The following TENM4 variants were observed in gnomAD, a reference collection of about 807,000 sequenced individuals.
The protein encoded by TENM4 is teneurin transmembrane protein 4, also known as teneurin-4.
In TENM4, 82 loss-of-function variants were observed where a neutral mutation model predicts 243.3. That is an observed-to-expected ratio of 0.34 (90% CI 0.28 to 0.40). The LOEUF (loss-of-function observed/expected upper bound fraction) is 0.40, where lower values mean the gene tolerates loss of function less well. Ranked by LOEUF, TENM4 falls within the 10% of genes least tolerant of loss-of-function variation. The pLI is 1.00. For synonymous variants in TENM4, 1,412 were observed against 1,456.3 expected, an observed-to-expected ratio of 0.97 and a Z score of 0.69; for missense variants, 3,138 against 3,673.3, an observed-to-expected ratio of 0.85 and a Z score of 3.77.
intron 25 of TENM4, among the ~76,000 whole-genome samples, chr11:78,719,408 T>C (rs1859594886): frequency 7.0e-6 from 1 of 142,938 alleles, no homozygotes; most frequent in Non-Finnish European, 1.5e-5. Flanking sequence ...CTTATAAATA[T>C]ATTATCTTAA....
At chr11:79,196,077 G>C (rs1239180205) in intron 3 of TENM4, among the ~76,000 whole-genome samples, 1 of 152,046 alleles carries the variant, frequency 6.6e-6, no homozygotes, top group Non-Finnish European at 1.5e-5. Context: ...TCTTGCTGCC[G>C]CCATGTTAGA....
intron 26 of TENM4, among the ~76,000 whole-genome samples, chr11:78,710,825 C>T (rs192322731): frequency 4.6e-5 from 7 of 152,274 alleles, no homozygotes; most frequent in Admixed American, 4.6e-4. Flanking sequence ...AATGCACTGC[C>T]GCTTCATCTG....
chr11:79,364,989 C>T (rs1366236121), intron 1 of TENM4, among the ~76,000 whole-genome samples: 2 of 152,156 alleles, frequency 1.3e-5, no homozygotes, highest in Non-Finnish European at 2.9e-5. Context: ...TGTTGGGAGA[C>T]ATGTTTCAAA....
chr11:78,963,608 T>A (rs1314634255), intron 6 of TENM4, among the ~76,000 whole-genome samples: 1 of 151,358 alleles, frequency 6.6e-6, no homozygotes, highest in African/African-American at 2.4e-5. Flanking sequence ...AAGGGGGAGG[T>A]GGCACAGAGA....
Position 78,683,281 on chromosome 11 carries a change from C to T in TENM4, c.5260+4773G>A, listed in dbSNP as rs1157129633. ...GTGGAGCCTACAGAGGCAGGCAGGC[C>T]TCCTTGAGCTGTGGTGGGCTCCACC... On this transcript the variant is annotated intron_variant, in intron 29 of 33. Coordinates refer to ENST00000278550, the MANE Select transcript of TENM4 (RefSeq NM_001098816.3). 5.9e-5 allele frequency among the ~76,000 whole-genome samples: 4 copies of T among 67,632 alleles called. 2 individuals carry two copies. The highest frequency in any genetic ancestry group is 4.3e-4 in the East Asian group (2 of 4,612). 44.4% of individuals were successfully genotyped at this position (67,632 alleles called of 152,430 possible). A position where few individuals can be genotyped will look rare whatever the true frequency, so the allele number is the denominator to read the frequency against.
intron 1 of TENM4, among the ~76,000 whole-genome samples, chr11:79,406,032 C>T (rs1254696974): frequency 6.6e-6 from 1 of 152,022 alleles, no homozygotes; most frequent in Non-Finnish European, 1.5e-5. Context: ...AGTGGGGGCT[C>T]ACTTTGATGG....
chr11:78,670,758 T>C (rs1045487787), intron 31 of TENM4, among the ~76,000 whole-genome samples: 8 of 152,192 alleles, frequency 5.3e-5, no homozygotes, highest in Admixed American at 2.0e-4. Flanking sequence ...AAGATGAGGC[T>C]TTCTCTCAGC....
intron 6 of TENM4, among the ~76,000 whole-genome samples, chr11:79,001,899 G>T (rs926106986): frequency 6.6e-6 from 1 of 152,110 alleles, no homozygotes; most frequent in Admixed American, 6.5e-5. Context: ...CTGCCAATGT[G>T]CACCAACTCA....
At chr11:79,075,359 T>C (rs1186142964) in intron 4 of TENM4, among the ~76,000 whole-genome samples, 2 of 152,196 alleles carry the variant, frequency 1.3e-5, no homozygotes, top group Non-Finnish European at 2.9e-5. Flanking sequence ...AGCTCCAGGC[T>C]AGGAGTAAGG....
At chr11:78,987,927 G>C (rs1380717595) in intron 6 of TENM4, among the ~76,000 whole-genome samples, 1 of 152,160 alleles carries the variant, frequency 6.6e-6, no homozygotes, top group African/African-American at 2.4e-5. Context: ...GGCTGGCTCT[G>C]TCTAGGCTGG....
intron 8 of TENM4, 108 bp downstream of exon 8, chr11:78,891,130 T>C (rs963621787): frequency 3.0e-6 from 3 of 987,604 alleles, no homozygotes; most frequent in Admixed American, 2.1e-5. Flanking sequence ...GCATGCCACA[T>C]GGATCACCTC....
chr11:79,173,630 G>A (rs1479042691), intron 3 of TENM4, among the ~76,000 whole-genome samples: 1 of 152,138 alleles, frequency 6.6e-6, no homozygotes, highest in Non-Finnish European at 1.5e-5. Context: ...TAGGACTTAG[G>A]TAGAGAAGGG....
intron 1 of TENM4, among the ~76,000 whole-genome samples, chr11:79,338,112 T>A (rs1412100567): frequency 6.6e-6 from 1 of 152,230 alleles, no homozygotes; most frequent in African/African-American, 2.4e-5. Flanking sequence ...GCTTGGTGAC[T>A]GCTGCACCCC....
chr11:78,937,442 C>T (rs553640805), intron 6 of TENM4, among the ~76,000 whole-genome samples: 1 of 152,292 alleles, frequency 6.6e-6, no homozygotes, highest in East Asian at 1.9e-4. Context: ...TCACAGTGCA[C>T]ATTAGCTAAC....
At chr11:78,765,407 A>C (rs1167659709) in intron 18 of TENM4, among the ~76,000 whole-genome samples, 1 of 152,190 alleles carries the variant, frequency 6.6e-6, no homozygotes, top group Non-Finnish European at 1.5e-5. Context: ...CCCTTCCAGC[A>C]ATAAGAGATG....
At chr11:78,839,958 T>C (rs1459701530) in intron 12 of TENM4, among the ~76,000 whole-genome samples, 5 of 152,170 alleles carry the variant, frequency 3.3e-5, no homozygotes, top group Admixed American at 3.3e-4. Context: ...CTGCCTGCCT[T>C]CAACACAACT....
chr11:78,816,823 G>A (rs1246445644), intron 12 of TENM4, among the ~76,000 whole-genome samples: 2 of 152,174 alleles, frequency 1.3e-5, no homozygotes, highest in African/African-American at 2.4e-5. Context: ...AGCTTAACTG[G>A]GAGAATAAAA....
At chr11:78,852,045 C>T (rs1565406579) in intron 12 of TENM4, among the ~76,000 whole-genome samples, 1 of 152,190 alleles carries the variant, frequency 6.6e-6, no homozygotes, top group South Asian at 2.1e-4. Flanking sequence ...CAGGGGAGTT[C>T]GTTCCCTCAT....
chr11:78,994,724 G>C (rs1025451805), intron 6 of TENM4, among the ~76,000 whole-genome samples: 2 of 152,146 alleles, frequency 1.3e-5, no homozygotes, highest in East Asian at 3.9e-4. Flanking sequence ...GGAAGATACA[G>C]ACATAAGGCA....
Sources: gnomAD v4.1 joint callset for allele counts (sites outside exome capture counted in the v4.1 genomes callset) on GRCh38, gnomAD v4.1.1 for gene constraint, MANE v1.5 for transcripts, NCBI Gene and HGNC (gene_info 2026-07-23, HGNC 2026-07-21) for gene names.